The following CCDC178 variants were observed in gnomAD, a reference collection of about 807,000 sequenced individuals.
CCDC178 encodes coiled-coil domain-containing protein 178.
In CCDC178, 126 loss-of-function variants were observed where a neutral mutation model predicts 117.4. That is an observed-to-expected ratio of 1.07 (90% CI 0.93 to 1.24). The LOEUF (loss-of-function observed/expected upper bound fraction) is 1.24, where lower values mean the gene tolerates loss of function less well. Ranked by LOEUF, CCDC178 falls within the 50% of genes most tolerant of loss-of-function variation. The pLI is 0.00. For synonymous variants in CCDC178, 283 were observed against 313.4 expected (o/e 0.90, Z 1.02); for missense variants, 1,030 against 986.9 (o/e 1.04, Z -0.59).
chr18:33,049,217 A>C (rs1236799728), intron 21 of CCDC178, among the ~76,000 whole-genome samples: 3 of 152,124 alleles, frequency 2.0e-5, no homozygotes, highest in African/African-American at 7.2e-5. Context: ...GTGGTTTTTT[A>C]ATTTATAAAA....
At chr18:33,046,162 T>C (rs1049762044) in intron 21 of CCDC178, among the ~76,000 whole-genome samples, 6 of 152,154 alleles carry the variant, frequency 3.9e-5, no homozygotes, top group African/African-American at 1.2e-4. Flanking sequence ...AGAAACTGAA[T>C]TGGGGAGATT....
Position 33,177,919 on chromosome 18 carries a change from T to A in CCDC178, c.2238+33977A>T, listed in dbSNP as rs533673965. On this transcript the variant is annotated intron_variant, in intron 20 of 22. Coordinates refer to ENST00000383096, the MANE Select transcript of CCDC178 (RefSeq NM_001105528.4). ...ACAACTTCTCATATGATCTTCTGAA[T>A]GTTCATGCTCATGAAATTCTTATGT... 3.3e-5 allele frequency among the ~76,000 whole-genome samples: 5 copies of A among 152,300 alleles called. No homozygotes were observed. The East Asian group carries it at 7.7e-4, about 24-fold the overall frequency.
At position 33,241,566 on chromosome 18, in the gene CCDC178, T is replaced by C. The variant is rs543075459; in HGVS notation, c.1593+3679A>G. 9.9e-5 allele frequency among the ~76,000 whole-genome samples: 15 copies of C among 151,252 alleles called. No individual in the cohort carries two copies. In the South Asian group the frequency reaches 2.9e-3, roughly 29 times the overall value. ...GAAAATTCAGTAGCATTTTTATACA[T>C]GAACAATGAACTAGCTGAAAAAAAT... On this transcript the variant is annotated intron_variant, in intron 15 of 22. Transcript: ENST00000383096.
At chr18:33,220,874 C>T (rs2059224606) in intron 18 of CCDC178, among the ~76,000 whole-genome samples, 1 of 152,044 alleles carries the variant, frequency 6.6e-6, no homozygotes, top group African/African-American at 2.4e-5. Context: ...ACAACTTCCA[C>T]TTATGACTCC....
chr18:33,146,380 G>A (rs28646250), intron 20 of CCDC178, among the ~76,000 whole-genome samples: 53 of 152,338 alleles, frequency 3.5e-4, no homozygotes, highest in African/African-American at 1.2e-3. Context: ...CAGATTCAGA[G>A]TGGCTTCCTT....
At chr18:33,144,595 T>G (rs78591920) in intron 20 of CCDC178, among the ~76,000 whole-genome samples, 91 of 152,258 alleles carry the variant, frequency 6.0e-4, no homozygotes, top group African/African-American at 2.1e-3. Flanking sequence ...CACCCTAAAC[T>G]ATATGCTTGT....
intron 15 of CCDC178, among the ~76,000 whole-genome samples, chr18:33,232,166 CAA>C (rs1275159571): frequency 6.6e-6 from 1 of 152,108 alleles, no homozygotes; most frequent in African/African-American, 2.4e-5. Flanking sequence ...AGGGCACATT[CAA>C]CAGTCACCTT....
In CCDC178 at chr18:33,030,257, C is replaced by T. The variant is rs185666914; in HGVS notation, c.2389-55576G>A. On this transcript the variant is annotated intron_variant, in intron 21 of 22. Coordinates refer to ENST00000383096, the MANE Select transcript of CCDC178 (RefSeq NM_001105528.4). ...ATGCTAGAACATTTAAAAATTTAGT[C>T]GGATATTAGTACACATATTCTAGCT... Among the ~76,000 whole-genome samples, 370 of 152,038 alleles carry T rather than the reference C, an allele frequency of 2.4e-3. 1 individual carries two copies. Among genetic ancestry groups the T allele is most frequent in the Admixed American group, 7.9e-3 (121 of 15,244 alleles).
At chr18:33,246,450 A>G (rs1237102990) in intron 14 of CCDC178, among the ~76,000 whole-genome samples, 2 of 151,812 alleles carry the variant, frequency 1.3e-5, no homozygotes, top group Non-Finnish European at 2.9e-5. Context: ...ACTTAACAGA[A>G]CACAGAGAAG....
chr18:33,214,555 A>G (rs531731864), intron 19 of CCDC178, among the ~76,000 whole-genome samples: 2 of 152,150 alleles, frequency 1.3e-5, no homozygotes, highest in South Asian at 4.1e-4. Flanking sequence ...AATGTAAGTT[A>G]TATACATTTA....
At chr18:33,243,852 A>G (rs544728040) in intron 15 of CCDC178, among the ~76,000 whole-genome samples, 1 of 152,096 alleles carries the variant, frequency 6.6e-6, no homozygotes, top group East Asian at 1.9e-4. Flanking sequence ...GGATGATGAT[A>G]TCTTCATTGA....
intron 5 of CCDC178, among the ~76,000 whole-genome samples, chr18:33,374,953 TTAAAG>T (rs1449010003): frequency 6.6e-6 from 1 of 152,066 alleles, no homozygotes; most frequent in Non-Finnish European, 1.5e-5. Flanking sequence ...TGGGAGTGAG[TTAAAG>T]TAATCTTGTC....
At chr18:33,005,723 A>C (rs1456809378) in intron 21 of CCDC178, among the ~76,000 whole-genome samples, 2 of 152,026 alleles carry the variant, frequency 1.3e-5, no homozygotes, top group African/African-American at 4.8e-5. Context: ...TGTAATCCAT[A>C]CATATATATA....
At chr18:32,997,853 A>G (rs200441249) in intron 21 of CCDC178, among the ~76,000 whole-genome samples, 1 of 149,186 alleles carries the variant, frequency 6.7e-6, no homozygotes, top group African/African-American at 2.4e-5. Flanking sequence ...TTGATATGAG[A>G]AAAAAAAATC....
chr18:33,159,241 T>C (rs1442920234), intron 20 of CCDC178, among the ~76,000 whole-genome samples: 1 of 152,112 alleles, frequency 6.6e-6, no homozygotes, highest in Non-Finnish European at 1.5e-5. Context: ...GAAGATCATG[T>C]CATATAATTC....
At chr18:33,051,958 G>T (rs1191939229) in intron 21 of CCDC178, among the ~76,000 whole-genome samples, 1 of 152,078 alleles carries the variant, frequency 6.6e-6, no homozygotes, top group East Asian at 1.9e-4. Context: ...GGTGACAGAG[G>T]CAATATTACC....
chr18:33,147,995 C>T (rs1013634864), intron 20 of CCDC178, among the ~76,000 whole-genome samples: 2 of 147,798 alleles, frequency 1.4e-5, no homozygotes, highest in South Asian at 4.4e-4. Context: ...GCAGGGGCTG[C>T]CCCCCACCTC....
chr18:33,260,453 CATT>C (rs1568096241), intron 14 of CCDC178, among the ~76,000 whole-genome samples: 1 of 150,346 alleles, frequency 6.7e-6, no homozygotes, highest in Admixed American at 6.6e-5. Context: ...TTATATTTAT[CATT>C]ATATTATATA....
rs373527701 is a variant in CCDC178, at chr18:33,399,174, T to C, written c.59-1966A>G. 4.6e-5 allele frequency among the ~76,000 whole-genome samples: 7 copies of C among 150,800 alleles called. No individual in the cohort carries two copies. The East Asian group carries it at 9.8e-4, about 21-fold the overall frequency. On this transcript the variant is annotated intron_variant, in intron 3 of 22. Coordinates refer to ENST00000383096, the MANE Select transcript of CCDC178 (RefSeq NM_001105528.4). ...GAGATCACGCCACTGCACTCCAGCC[T>C]GGGCAACAGAGCAAGACTGTCTTAA...
Sources: allele counts gnomAD v4.1 joint callset (sites outside exome capture counted in the v4.1 genomes callset), GRCh38; gene constraint gnomAD v4.1.1; transcripts MANE v1.5; gene names NCBI Gene and HGNC (gene_info 2026-07-23, HGNC 2026-07-21).